Variants in HHIP observed in about 807,000 individuals in gnomAD.
HHIP encodes the protein hedgehog interacting protein.
HHIP carries 12 observed loss-of-function variants against 74.0 expected under a neutral mutation model. That is an observed-to-expected ratio of 0.16 (90% confidence interval 0.10 to 0.26). The LOEUF (loss-of-function observed/expected upper bound fraction) is 0.26. HHIP is among the 10% of genes least tolerant of loss of function. The probability of loss-of-function intolerance (pLI) is 1.00; values close to 1 mark genes in which losing one functional copy is unlikely to be tolerated. For missense variants in HHIP, 788 were observed against 845.0 expected (o/e 0.93, Z 0.84); for synonymous variants, 309 against 311.6 (o/e 0.99, Z 0.09).
At chr4:144,669,175 G>T (rs571823812) in intron 4 of HHIP, among the ~76,000 whole-genome samples, 45 of 152,190 alleles carry the variant, frequency 3.0e-4, no homozygotes, top group African/African-American at 9.6e-4. Flanking sequence ...CAGAACTGAG[G>T]ACATAATCAA....
chr4:144,734,822 C>T lies in HHIP; in HGVS notation c.1842C>T (p.Asn614=), dbSNP rs141591140. 55 of 1,612,790 alleles carry T rather than the reference C, an allele frequency of 3.4e-5. No individual in the cohort carries two copies. The highest frequency in any genetic ancestry group is 3.5e-5 in the Non-Finnish European group (41 of 1,179,186). The change falls in exon 12 of 13, where the codon AAC becomes AAT. Residue 614 remains asparagine, a synonymous_variant. Transcript: ENST00000296575. ...CAGAGTGCTCCAGGCTCTGTCGAAACGGCTACTGCACCCCCACGGGAAAGT... is the reference window on the plus strand; with the variant it reads ...CAGAGTGCTCCAGGCTCTGTCGAAATGGCTACTGCACCCCCACGGGAAAGT... ...LTSECSRLCR[N]GYCTPTGKCC...
chr4:144,689,323 G>T (rs1204276596), intron 4 of HHIP, among the ~76,000 whole-genome samples: 1 of 152,200 alleles, frequency 6.6e-6, no homozygotes, highest in Non-Finnish European at 1.5e-5. Context: ...TTATGAGAAT[G>T]ACATCATAAT....
intron 3 of HHIP, 77 bp downstream of exon 3, chr4:144,659,023 A>G: frequency 4.2e-6 from 5 of 1,199,476 alleles, no homozygotes; most frequent in South Asian, 1.5e-5. Context: ...CAGTGAATCA[A>G]CTGTCTGTGC....
chr4:144,669,298 T>C (rs1728967471), intron 4 of HHIP, among the ~76,000 whole-genome samples: 1 of 152,170 alleles, frequency 6.6e-6, no homozygotes, highest in Admixed American at 6.5e-5. Flanking sequence ...TTATAACGTG[T>C]TATCATGAGA....
rs775905619 is a variant in HHIP at position 144,646,866 on chromosome 4, G to A, written c.191G>A (p.Gly64Glu). 8 of 1,614,092 alleles carry A rather than the reference G, an allele frequency of 5.0e-6. No individual in the cohort carries two copies. The East Asian group carries it at 1.6e-4, about 31-fold the overall frequency. Residue 64 changes from glycine to glutamate, a missense_variant, in exon 1 of 13, where the codon GGG becomes GAG. Physicochemically the swap from Gly to Glu is moderately conservative, Grantham distance 98. Coordinates refer to ENST00000296575, the MANE Select transcript of HHIP (RefSeq NM_022475.3). The part of the protein sequence containing the change: ...RMMSQLELLS[G>E]GEMLCGGFYP... ...ATGTCCCAGCTGGAGCTGCTGAGTG[G>A]GGGAGAGATGCTGTGCGGTGGCTTC...
At chr4:144,659,539 T>C in intron 3 of HHIP, 98 bp from the exon 4 acceptor site, 1 of 744,316 alleles carries the variant, frequency 1.3e-6, no homozygotes, top group Non-Finnish European at 2.0e-6. Flanking sequence ...CTCAAAACCA[T>C]GATTCCTAGA....
At chr4:144,719,052 C>A (rs1470797337) in intron 11 of HHIP, 96 bp downstream of exon 11, 11 of 790,172 alleles carry the variant, frequency 1.4e-5, no homozygotes, top group Non-Finnish European at 2.4e-5. Context: ...AATTAGCAAT[C>A]AGCCAAGATG....
Position 144,646,589 on chromosome 4 carries a change from T to A in HHIP, c.-87T>A. 1 of 1,417,136 alleles carries A rather than the reference T, an allele frequency of 7.1e-7. No individual in the cohort carries two copies. Among genetic ancestry groups the A allele is most frequent in the Non-Finnish European group, 9.6e-7 (1 of 1,036,886 alleles). 87.8% of individuals were successfully genotyped at this position (1,417,136 alleles called of 1,614,324 possible). On this transcript the variant is annotated 5_prime_UTR_variant, in exon 1 of 13. Coordinates refer to ENST00000296575, the MANE Select transcript of HHIP (RefSeq NM_022475.3). ...AGTGCCCTACAGCCCCGCAAACTCCTCCTGGAGCTGCGCCCTAGTGCCCCT... is the reference window on the plus strand; with the variant it reads ...AGTGCCCTACAGCCCCGCAAACTCCACCTGGAGCTGCGCCCTAGTGCCCCT...
In HHIP at chr4:144,707,110, T is replaced by G. The variant is rs1428627428; in HGVS notation, c.1007T>G (p.Leu336Trp). The G allele has an allele frequency of 6.2e-7, 1 of 1,614,028 alleles. No homozygotes were observed. Among genetic ancestry groups the G allele is most frequent in the Non-Finnish European group, 8.5e-7 (1 of 1,180,004 alleles). ...VSRKNPHQVDLRTARVFLEVA... is the reference protein window; with the variant it reads ...VSRKNPHQVDWRTARVFLEVA... ...AGAAAAAATCCACACCAAGTTGATT[T>G]GAGAACAGCCAGAGTCTTTCTTGAA... Residue 336 changes from leucine to tryptophan, a missense_variant, in exon 6 of 13, where the codon TTG becomes TGG. Transcript: ENST00000296575.
chr4:144,659,917 T>TAAATTCTTTCTTTTA (rs1456071286), intron 4 of HHIP, 79 bp downstream of exon 4: 5 of 1,034,136 alleles, frequency 4.8e-6, no homozygotes, highest in Admixed American at 2.1e-5. Flanking sequence ...ACTGAAGGTA[T>TAAATTCTTTCTTTTA]TTCTTTGTAA....
rs941385815 is a variant in HHIP at position 144,709,229 on chromosome 4, G to A, written c.1301+918G>A. On this transcript the variant is annotated intron_variant, in intron 7 of 12. Transcript: ENST00000296575. ...TTCATCTCTCCTCCATCAAACCCAAGTCTACAGTTCATTTCCTTTTTGGCA... is the reference window on the plus strand; with the variant it reads ...TTCATCTCTCCTCCATCAAACCCAAATCTACAGTTCATTTCCTTTTTGGCA... Among the ~76,000 whole-genome samples the A allele has an allele frequency of 5.3e-5, 8 of 152,196 alleles. No individual in the cohort carries two copies. In the South Asian group the frequency reaches 8.3e-4, roughly 16 times the overall value.
rs1235785522 is a variant in HHIP at position 144,742,333 on chromosome 4, A to G, written c.*4376A>G. The G allele has an allele frequency of 1.3e-5, 2 of 152,156 alleles. No homozygotes were observed. Among genetic ancestry groups the G allele is most frequent in the African/African-American group, 2.4e-5 (1 of 41,432 alleles). The allele number at this position is 152,156 out of a possible 1,614,324, so 9.4% of individuals were successfully genotyped here. A position where few individuals can be genotyped will look rare whatever the true frequency, so the allele number is the denominator to read the frequency against. On this transcript the variant is annotated 3_prime_UTR_variant, in exon 13 of 13. Coordinates refer to ENST00000296575, the MANE Select transcript of HHIP (RefSeq NM_022475.3). ...AACAAATGACATACTAGGCTGATCTATTACAATCATTGAAAGAAATAAGGA... is the reference window on the plus strand; with the variant it reads ...AACAAATGACATACTAGGCTGATCTGTTACAATCATTGAAAGAAATAAGGA...
At chr4:144,710,620 G>C (rs1443662231) in intron 7 of HHIP, among the ~76,000 whole-genome samples, 3 of 151,860 alleles carry the variant, frequency 2.0e-5, no homozygotes, top group Non-Finnish European at 4.4e-5. Context: ...TATTTTGTTG[G>C]CCTAGAACAG....
chr4:144,663,767 C>T (rs991832602), intron 4 of HHIP, among the ~76,000 whole-genome samples: 3 of 152,116 alleles, frequency 2.0e-5, no homozygotes, highest in Non-Finnish European at 4.4e-5. Context: ...GAATCTGGTG[C>T]TCAGCTAGTT....
At chr4:144,709,757 C>G (rs891889015) in intron 7 of HHIP, among the ~76,000 whole-genome samples, 1 of 152,130 alleles carries the variant, frequency 6.6e-6, no homozygotes, top group Non-Finnish European at 1.5e-5. Flanking sequence ...CCACTTCTCC[C>G]ACTCCCCTTT....
At position 144,682,176 on chromosome 4, in the gene HHIP, T is replaced by TA. The variant is rs527541445; in HGVS notation, c.831+22340dup. The stretch of plus-strand genomic sequence containing the variant: ...GGGACATAGAAAGCACTCTAGAGAC[T>TA]AATTTACTGAGAAGTGGAACTGAGA... On this transcript the variant is annotated intron_variant, in intron 4 of 12. Coordinates refer to ENST00000296575, the MANE Select transcript of HHIP (RefSeq NM_022475.3). Among the ~76,000 whole-genome samples, 368 of 152,314 alleles carry TA rather than the reference T, an allele frequency of 2.4e-3. 2 individuals are homozygous for TA. Among genetic ancestry groups the TA allele is most frequent in the African/African-American group, 8.2e-3 (339 of 41,568 alleles).
At chr4:144,655,148 A>G (rs536448871) in intron 2 of HHIP, 1 of 152,324 alleles carries the variant, frequency 6.6e-6, no homozygotes, top group South Asian at 2.1e-4. Context: ...CTTAATTAAG[A>G]AATAGTCATA....
intron 4 of HHIP, among the ~76,000 whole-genome samples, chr4:144,701,029 T>C (rs1487820666): frequency 1.3e-5 from 2 of 152,198 alleles, no homozygotes; most frequent in African/African-American, 4.8e-5. Flanking sequence ...CCTTTCATGA[T>C]GTGTATCAGC....
At position 144,734,877 on chromosome 4, in the gene HHIP, T is replaced by C; in HGVS notation, c.1897T>C (p.Phe633Leu). The C allele has an allele frequency of 4.3e-6, 7 of 1,610,674 alleles. No individual in the cohort carries two copies. Among genetic ancestry groups the C allele is most frequent in the Non-Finnish European group, 5.9e-6 (7 of 1,177,252 alleles). Reference sequence around the variant, plus strand: ...CTGCAGTCCAGGCTGGGAGGGGGACTTCTGCAGAACTGGTTAGTATTTCTG... The same window carrying C: ...CTGCAGTCCAGGCTGGGAGGGGGACCTCTGCAGAACTGGTTAGTATTTCTG... ...CCCSPGWEGD[F>L]CRTAKCEPAC... Residue 633 changes from phenylalanine to leucine, a missense_variant, in exon 12 of 13, where the codon TTC (phenylalanine) becomes CTC (leucine). Coordinates refer to ENST00000296575, the MANE Select transcript of HHIP (RefSeq NM_022475.3).
Sources: allele counts gnomAD v4.1 joint callset (sites outside exome capture counted in the v4.1 genomes callset), GRCh38; gene constraint gnomAD v4.1.1; transcripts MANE v1.5; gene names NCBI Gene and HGNC (gene_info 2026-07-23, HGNC 2026-07-21).